Variants in NFIA observed in about 807,000 individuals in gnomAD.
The protein encoded by NFIA is nuclear factor I A.
Under a neutral mutation model 62.8 loss-of-function variants are expected in NFIA, and 8 were observed. The ratio of observed to expected loss-of-function variants is 0.13; its 90% CI spans 0.07 to 0.23. The LOEUF (loss-of-function observed/expected upper bound fraction) is 0.23. NFIA is among the 10% of genes least tolerant of loss of function. The pLI, the probability that NFIA is intolerant of heterozygous loss-of-function variation, is 1.00. For synonymous variants in NFIA, 235 were observed against 238.1 expected, an observed-to-expected ratio of 0.99 and a Z score of 0.12; for missense variants, 410 against 642.1, an observed-to-expected ratio of 0.64 and a Z score of 3.91.
chr1:61,110,276 G>A (rs1646673353), intron 2 of NFIA, among the ~76,000 whole-genome samples: 1 of 149,974 alleles, frequency 6.7e-6, no homozygotes, highest in South Asian at 2.1e-4. Flanking sequence ...TTTTACATGA[G>A]AGTTTTTACT....
intron 3 of NFIA, among the ~76,000 whole-genome samples, chr1:61,298,687 A>G (rs552901228): frequency 6.6e-6 from 1 of 152,294 alleles, no homozygotes; most frequent in South Asian, 2.1e-4. Context: ...AGATAATAAT[A>G]CTACCTACCT....
At chr1:61,212,701 T>G (rs1186566603) in intron 2 of NFIA, among the ~76,000 whole-genome samples, 2 of 152,214 alleles carry the variant, frequency 1.3e-5, no homozygotes, top group African/African-American at 4.8e-5. Flanking sequence ...CTATTCAGTA[T>G]AGTTGGGACT....
At chr1:61,163,667 T>C (rs1305786972) in intron 2 of NFIA, among the ~76,000 whole-genome samples, 3 of 152,218 alleles carry the variant, frequency 2.0e-5, no homozygotes, top group Non-Finnish European at 4.4e-5. Flanking sequence ...GACATACTTT[T>C]ATAAGTGAGA....
chr1:61,247,337 AG>A (rs1402783914), intron 2 of NFIA, among the ~76,000 whole-genome samples: 2 of 152,216 alleles, frequency 1.3e-5, no homozygotes, highest in African/African-American at 2.4e-5. Context: ...CGTGATATGC[AG>A]TGGCACTCTG....
At position 61,351,642 on chromosome 1, in the gene NFIA, G is replaced by A. The variant is rs553981849; in HGVS notation, c.701-808G>A. On this transcript the variant is annotated intron_variant, in intron 4 of 10. Coordinates refer to ENST00000403491, the MANE Select transcript of NFIA (RefSeq NM_001134673.4). ...AACTACTGTCAAAAAGGTATCTAAA[G>A]ATTCAAAGACAGAAAATGCAAGGAA... Among the ~76,000 whole-genome samples the A allele has an allele frequency of 2.0e-5, 3 of 152,288 alleles. No homozygotes were observed. In the South Asian group the frequency reaches 6.2e-4, roughly 32 times the overall value.
chr1:61,126,287 C>G (rs1646965211), intron 2 of NFIA, among the ~76,000 whole-genome samples: 1 of 152,088 alleles, frequency 6.6e-6, no homozygotes, highest in Non-Finnish European at 1.5e-5. Context: ...TGAAATCTGC[C>G]TCCCATTAAC....
chr1:61,087,975 T>C (rs1646248555), intron 1 of NFIA, among the ~76,000 whole-genome samples, 174 bp from the exon 2 acceptor site: 1 of 152,158 alleles, frequency 6.6e-6, no homozygotes, highest in African/African-American at 2.4e-5. Context: ...GATAGTTTTC[T>C]CTCCCACCTT....
intron 6 of NFIA, among the ~76,000 whole-genome samples, chr1:61,379,964 A>T (rs1031386475): frequency 1.3e-5 from 2 of 152,190 alleles, no homozygotes. Flanking sequence ...GCCTCCAGAG[A>T]TGAAAGCCAC....
In NFIA at chr1:61,104,597, CA is replaced by C. The variant is rs1383711400; in HGVS notation, c.559+15918del. 5.9e-5 allele frequency among the ~76,000 whole-genome samples: 9 copies of C among 152,146 alleles called. No individual in the cohort carries two copies. The East Asian group carries it at 1.7e-3, about 29-fold the overall frequency. On this transcript the variant is annotated intron_variant, in intron 2 of 10. Coordinates refer to ENST00000403491, the MANE Select transcript of NFIA (RefSeq NM_001134673.4). The stretch of plus-strand genomic sequence containing the variant: ...AGATAAGAGTTTCTTCCCCCCAACA[CA>C]TACAGCATTCATGATTTTATTTCTC...
intron 2 of NFIA, among the ~76,000 whole-genome samples, chr1:61,121,686 C>G (rs1646889543): frequency 6.6e-6 from 1 of 152,062 alleles, no homozygotes; most frequent in Admixed American, 6.5e-5. Context: ...CCCTCTTACC[C>G]TCAATAAGTT....
At chr1:61,080,018 T>C (rs1452591450), upstream of NFIA, among the ~76,000 whole-genome samples, 1 of 151,802 alleles carries the variant, frequency 6.6e-6, no homozygotes, top group African/African-American at 2.4e-5. Flanking sequence ...CCTCCCCCCC[T>C]CCCTCCGCGG....
rs1455460871 is a variant in NFIA at position 61,254,230 on chromosome 1, T to C, written c.560-23290T>C. ...CAGTTGTCTGTAATAGAATTGTAAC[T>C]AATTTCCACTGTTGTTTTTGGAGAA... On this transcript the variant is annotated intron_variant, in intron 2 of 10. Coordinates refer to ENST00000403491, the MANE Select transcript of NFIA (RefSeq NM_001134673.4). Among the ~76,000 whole-genome samples the C allele has an allele frequency of 2.0e-5, 3 of 152,256 alleles. No homozygotes were observed. The East Asian group carries it at 5.8e-4, about 29-fold the overall frequency.
At chr1:61,348,949 T>G (rs1570619362) in intron 4 of NFIA, among the ~76,000 whole-genome samples, 1 of 152,210 alleles carries the variant, frequency 6.6e-6, no homozygotes, top group East Asian at 1.9e-4. Context: ...ATCAGCCTTA[T>G]AACCCTTCTT....
chr1:61,355,911 C>T (rs1047059252), intron 5 of NFIA, among the ~76,000 whole-genome samples: 1 of 152,202 alleles, frequency 6.6e-6, no homozygotes, highest in Non-Finnish European at 1.5e-5. Flanking sequence ...TTCTGAAAAT[C>T]CTTGCTTTCA....
Position 61,411,514 on chromosome 1 carries a change from C to G in NFIA, c.1420+4787C>G, listed in dbSNP as rs78811720. On this transcript the variant is annotated intron_variant, in intron 9 of 10. Coordinates refer to ENST00000403491, the MANE Select transcript of NFIA (RefSeq NM_001134673.4). ...GTTTTGATACCTACTGAAAAAGGAC[C>G]ACTTCTTTCATTTATTCAATAAATG... Among the ~76,000 whole-genome samples, 360 of 152,072 alleles carry G rather than the reference C, an allele frequency of 2.4e-3. 2 individuals carry two copies. The highest frequency in any genetic ancestry group is 8.3e-3 in the African/African-American group (345 of 41,508).
At chr1:61,432,649 A>ATATACACATATG (rs1667154866) in intron 10 of NFIA, among the ~76,000 whole-genome samples, 1 of 151,828 alleles carries the variant, frequency 6.6e-6, no homozygotes, top group Non-Finnish European at 1.5e-5. Flanking sequence ...ATACACATAT[A>ATATACACATATG]TATACATATA....
At chr1:61,174,895 C>T (rs1194405557) in intron 2 of NFIA, among the ~76,000 whole-genome samples, 1 of 152,084 alleles carries the variant, frequency 6.6e-6, no homozygotes, top group Non-Finnish European at 1.5e-5. Flanking sequence ...TGGGACCCAA[C>T]AAGAGATGAT....
chr1:61,355,557 A>G (rs923947443), intron 5 of NFIA, among the ~76,000 whole-genome samples: 2 of 151,716 alleles, frequency 1.3e-5, no homozygotes, highest in Non-Finnish European at 2.9e-5. Flanking sequence ...TGATCTTTTT[A>G]TCTTTTCCAT....
chr1:61,356,777 T>A (rs994115001), intron 5 of NFIA, among the ~76,000 whole-genome samples: 1 of 152,222 alleles, frequency 6.6e-6, no homozygotes, highest in Non-Finnish European at 1.5e-5. Context: ...TTATGTTGCT[T>A]TCCTGTGGTC....
Sources: gnomAD v4.1 joint callset for allele counts (sites outside exome capture counted in the v4.1 genomes callset) on GRCh38, gnomAD v4.1.1 for gene constraint, MANE v1.5 for transcripts, NCBI Gene and HGNC (gene_info 2026-07-23, HGNC 2026-07-21) for gene names.